Variants in GTF2F2 observed in about 807,000 individuals in gnomAD.
GTF2F2 encodes the protein ATP-dependent helicase GTF2F2.
GTF2F2 carries 23 observed loss-of-function variants against 42.2 expected under a neutral mutation model. The observed-to-expected ratio is 0.55, with a 90% CI of 0.39 to 0.77. GTF2F2 has a LOEUF of 0.77. Among genes scored for constraint, GTF2F2 ranks in the 30% least tolerant of loss-of-function variants. The pLI, the probability that GTF2F2 is intolerant of heterozygous loss-of-function variation, is 0.00. For synonymous variants in GTF2F2, 105 were observed against 100.8 expected, an observed-to-expected ratio of 1.04 and a Z score of -0.25; for missense variants, 261 against 287.2, an observed-to-expected ratio of 0.91 and a Z score of 0.66.
At chr13:45,254,176 T>C (rs1876000045) in intron 6 of GTF2F2, among the ~76,000 whole-genome samples, 2 of 152,106 alleles carry the variant, frequency 1.3e-5, no homozygotes, top group South Asian at 4.1e-4. Flanking sequence ...TTACAGTATA[T>C]TGTTAGGGTT....
intron 5 of GTF2F2, among the ~76,000 whole-genome samples, chr13:45,226,544 A>G (rs1874364178): frequency 6.6e-6 from 1 of 152,154 alleles, no homozygotes; most frequent in African/African-American, 2.4e-5. Flanking sequence ...ATATATTTTA[A>G]TGCCTTAGAA....
At position 45,153,333 on chromosome 13, in the gene GTF2F2, T is replaced by G. The variant is rs541398713; in HGVS notation, c.304+1502T>G. 1.3e-3 allele frequency among the ~76,000 whole-genome samples: 205 copies of G among 152,242 alleles called. 1 individual carries two copies. The highest frequency in any genetic ancestry group is 4.8e-3 in the African/African-American group (200 of 41,564). ...GGGCCCGGCCGAATTTTTTTTGTGGTATCTTAGATTACCAATAGCTACATA... is the reference window on the plus strand; with the variant it reads ...GGGCCCGGCCGAATTTTTTTTGTGGGATCTTAGATTACCAATAGCTACATA... On this transcript the variant is annotated intron_variant, in intron 4 of 7. Transcript: ENST00000340473.
chr13:45,277,085 AC>A (rs1877066449), intron 7 of GTF2F2, among the ~76,000 whole-genome samples: 1 of 152,118 alleles, frequency 6.6e-6, no homozygotes, highest in South Asian at 2.1e-4. Context: ...AGGAAGTGAA[AC>A]CAGGAGAAAA....
At chr13:45,201,353 G>C (rs1051653750) in intron 4 of GTF2F2, among the ~76,000 whole-genome samples, 6 of 152,014 alleles carry the variant, frequency 3.9e-5, no homozygotes, top group Non-Finnish European at 5.9e-5. Context: ...ATTATATCTA[G>C]GTCTTTTGGA....
intron 5 of GTF2F2, among the ~76,000 whole-genome samples, chr13:45,241,040 C>T (rs746102171): frequency 4.6e-5 from 7 of 150,838 alleles, no homozygotes; most frequent in Non-Finnish European, 1.0e-4. Context: ...TTTATCCCAG[C>T]CACAAGGGCA....
At chr13:45,238,131 A>G (rs1020605599) in intron 5 of GTF2F2, among the ~76,000 whole-genome samples, 4 of 151,994 alleles carry the variant, frequency 2.6e-5, no homozygotes, top group African/African-American at 9.7e-5. Context: ...TTTTTTGCAT[A>G]TTTAATAGAG....
intron 4 of GTF2F2, among the ~76,000 whole-genome samples, chr13:45,200,466 C>T (rs1014975702): frequency 1.3e-5 from 2 of 152,128 alleles, no homozygotes; most frequent in African/African-American, 4.8e-5. Flanking sequence ...CCCACCATAC[C>T]TGGCTAACTT....
intron 5 of GTF2F2, among the ~76,000 whole-genome samples, chr13:45,222,796 G>A (rs1160954541): frequency 6.6e-6 from 1 of 152,142 alleles, no homozygotes; most frequent in African/African-American, 2.4e-5. Flanking sequence ...GCAACATCCT[G>A]TGTAGTTTCA....
At chr13:45,230,107 T>C (rs1874597131) in intron 5 of GTF2F2, among the ~76,000 whole-genome samples, 1 of 151,964 alleles carries the variant, frequency 6.6e-6, no homozygotes, top group Non-Finnish European at 1.5e-5. Flanking sequence ...TCCCAGCTAC[T>C]CTGGAGGCTG....
At chr13:45,124,957 G>C (rs1437551366) in intron 1 of GTF2F2, among the ~76,000 whole-genome samples, 1 of 152,206 alleles carries the variant, frequency 6.6e-6, no homozygotes, top group Non-Finnish European at 1.5e-5. Context: ...TGGGATTATA[G>C]ATGTGAGCCA....
At chr13:45,243,979 A>G (rs1593514308) in intron 5 of GTF2F2, among the ~76,000 whole-genome samples, 1 of 152,152 alleles carries the variant, frequency 6.6e-6, no homozygotes, top group Admixed American at 6.5e-5. Context: ...GTTTTTTTAA[A>G]CAAATATTTT....
chr13:45,242,482 C>CA (rs1875367421), intron 5 of GTF2F2, among the ~76,000 whole-genome samples: 1 of 151,920 alleles, frequency 6.6e-6, no homozygotes, highest in Non-Finnish European at 1.5e-5. Flanking sequence ...TAAAAAATAA[C>CA]AAATTGCAAT....
intron 2 of GTF2F2, among the ~76,000 whole-genome samples, chr13:45,144,529 C>T (rs1197159827): frequency 4.3e-5 from 6 of 139,736 alleles, no homozygotes; most frequent in African/African-American, 8.1e-5. Flanking sequence ...GGCGCGATCT[C>T]GGCTTGGGTT....
At chr13:45,200,572 A>G (rs957835374) in intron 4 of GTF2F2, among the ~76,000 whole-genome samples, 6 of 152,184 alleles carry the variant, frequency 3.9e-5, no homozygotes, top group Non-Finnish European at 1.5e-5. Context: ...GGGATTACAG[A>G]TGTGAGCCAC....
At chr13:45,120,746 GC>G in intron 1 of GTF2F2, 25 bp downstream of exon 1, 1 of 1,512,656 alleles carries the variant, frequency 6.6e-7, no homozygotes, top group Non-Finnish European at 9.0e-7. Flanking sequence ...TCTCCCACTT[GC>G]GCTCCTCCTA....
intron 5 of GTF2F2, among the ~76,000 whole-genome samples, chr13:45,236,319 G>A (rs936549497): frequency 1.3e-5 from 2 of 152,132 alleles, no homozygotes; most frequent in African/African-American, 4.8e-5. Flanking sequence ...GAGAGTTTAA[G>A]CAGTAGGAGG....
chr13:45,193,794 G>C, intron 4 of GTF2F2: 1 of 1,578,836 alleles, frequency 6.3e-7, no homozygotes, highest in Non-Finnish European at 8.6e-7. Context: ...GTAATTACTT[G>C]ATAAAATGAA....
chr13:45,272,432 A>C (rs963164166), intron 7 of GTF2F2, among the ~76,000 whole-genome samples: 10 of 140,078 alleles, frequency 7.1e-5, no homozygotes, highest in East Asian at 6.0e-4. Flanking sequence ...TTTAAAAAAA[A>C]AAAAAAAACA....
At chr13:45,248,970 C>T (rs1212137816) in intron 5 of GTF2F2, among the ~76,000 whole-genome samples, 1 of 152,074 alleles carries the variant, frequency 6.6e-6, no homozygotes, top group Admixed American at 6.6e-5. Context: ...AGCCTAATAC[C>T]TCTGTGTAGT....
Sources: allele counts gnomAD v4.1 joint callset (sites outside exome capture counted in the v4.1 genomes callset), GRCh38; gene constraint gnomAD v4.1.1; transcripts MANE v1.5; gene names NCBI Gene and HGNC (gene_info 2026-07-23, HGNC 2026-07-21).